Variants in NQO2 observed in about 807,000 individuals in gnomAD.
NQO2 encodes ribosyldihydronicotinamide dehydrogenase [quinone].
In NQO2, 18 loss-of-function variants were observed where a neutral mutation model predicts 22.0. That is an observed-to-expected ratio of 0.82 (90% CI 0.56 to 1.21). The LOEUF (loss-of-function observed/expected upper bound fraction) is 1.21, where lower values mean the gene tolerates loss of function less well. NQO2 is among the 50% of genes most tolerant of loss of function. The probability of loss-of-function intolerance (pLI) is 0.00; values close to 1 mark genes in which losing one functional copy is unlikely to be tolerated. For missense variants in NQO2, 267 were observed against 286.9 expected (o/e 0.93, Z 0.50); for synonymous variants, 106 against 110.8 (o/e 0.96, Z 0.28).
At chr6:3,018,111 G>A (rs936458877) in intron 6 of NQO2, among the ~76,000 whole-genome samples, 1 of 152,162 alleles carries the variant, frequency 6.6e-6, no homozygotes, top group African/African-American at 2.4e-5. Flanking sequence ...CTTTTGATTG[G>A]TGAAAGCTAT....
At chr6:3,009,896 A>C in intron 2 of NQO2, 129 bp from the exon 3 acceptor site, 1 of 1,425,868 alleles carries the variant, frequency 7.0e-7, no homozygotes, top group Non-Finnish European at 9.2e-7. Flanking sequence ...CAGAAAGAAA[A>C]GAAAATTTGA....
intron 3 of NQO2, 115 bp downstream of exon 3, chr6:3,010,304 C>A: frequency 1.1e-6 from 1 of 870,772 alleles, no homozygotes; most frequent in Non-Finnish European, 1.7e-6. Flanking sequence ...GCTTCACTTT[C>A]CAAAAACAAA....
chr6:3,008,923 A>G (rs1295091755), intron 2 of NQO2, among the ~76,000 whole-genome samples: 2 of 152,198 alleles, frequency 1.3e-5, no homozygotes, highest in Admixed American at 6.5e-5. Flanking sequence ...AATATCACAA[A>G]GCAAATGGAG....
At chr6:3,004,718 G>A in intron 1 of NQO2, 1 of 883,206 alleles carries the variant, frequency 1.1e-6, no homozygotes, top group Non-Finnish European at 1.4e-6. Context: ...ACACTGATAG[G>A]TTCACGTTGT....
At chr6:3,004,937 GGT>G (rs1491315834) in intron 1 of NQO2, among the ~76,000 whole-genome samples, 8 of 152,058 alleles carry the variant, frequency 5.3e-5, no homozygotes, top group Non-Finnish European at 1.5e-5. Flanking sequence ...TGGGATTACA[GGT>G]GCACACCACC....
At chr6:3,005,705 G>A (rs989563055) in intron 1 of NQO2, 22 of 985,362 alleles carry the variant, frequency 2.2e-5, no homozygotes, top group East Asian at 1.1e-4. Context: ...TGGCCAGGAG[G>A]GGGTGAGGCC....
At chr6:3,000,912 A>G (rs1241051126) in intron 1 of NQO2, among the ~76,000 whole-genome samples, 6 of 150,764 alleles carry the variant, frequency 4.0e-5, no homozygotes, top group Admixed American at 2.6e-4. Flanking sequence ...GGGCAATCTC[A>G]GCTCACTGCA....
chr6:3,007,422 C>T (rs1357384067), intron 2 of NQO2, among the ~76,000 whole-genome samples: 1 of 152,208 alleles, frequency 6.6e-6, no homozygotes, highest in East Asian at 1.9e-4. Context: ...AAAATGTTAA[C>T]CATGAATCTA....
chr6:3,019,428 A>G, intron 6 of NQO2, 51 bp from the exon 7 acceptor site: 1 of 1,561,880 alleles, frequency 6.4e-7, no homozygotes, highest in South Asian at 1.2e-5. Flanking sequence ...ACTGAATGGT[A>G]TGTAACAGGT....
chr6:3,007,054 C>T (rs1204993872), intron 2 of NQO2: 14 of 392,998 alleles, frequency 3.6e-5, no homozygotes, highest in Admixed American at 1.3e-4. Flanking sequence ...GAGAGCCTTT[C>T]GTGTTAGAAC....
In NQO2 at chr6:3,014,496, G is replaced by A. The variant is rs557043515; in HGVS notation, c.304-1034G>A. On this transcript the variant is annotated intron_variant, in intron 4 of 6. Transcript: ENST00000380455. ...TGTCCCCCTTGGGTCGGCCGGCCAC[G>A]TGGAGCCCGCTTTCCTCCTCGCACC... Among the ~76,000 whole-genome samples the A allele has an allele frequency of 2.6e-5, 4 of 152,232 alleles. 1 individual carries two copies. Among genetic ancestry groups the A allele is most frequent in the African/African-American group, 7.2e-5 (3 of 41,538 alleles).
intron 1 of NQO2, among the ~76,000 whole-genome samples, chr6:3,000,528 A>G (rs1490831239): frequency 2.2e-4 from 14 of 64,056 alleles, no homozygotes; most frequent in East Asian, 4.9e-4. Context: ...TCTCTCTGGG[A>G]AAAAAAAAAA....
intron 1 of NQO2, among the ~76,000 whole-genome samples, chr6:3,005,393 C>T (rs182061740): frequency 2.6e-5 from 4 of 152,330 alleles, no homozygotes; most frequent in Admixed American, 2.0e-4. Flanking sequence ...TTCTCCGCAT[C>T]CTCACCTACG....
intron 2 of NQO2, among the ~76,000 whole-genome samples, chr6:3,009,045 A>G (rs1757054173): frequency 6.6e-6 from 1 of 152,222 alleles, no homozygotes; most frequent in African/African-American, 2.4e-5. Context: ...TTGAGAGCAG[A>G]CAACCGATCT....
At chr6:3,012,021 C>T (rs1757151279) in intron 3 of NQO2, among the ~76,000 whole-genome samples, 1 of 152,220 alleles carries the variant, frequency 6.6e-6, no homozygotes, top group Non-Finnish European at 1.5e-5. Flanking sequence ...ACAGAACACT[C>T]TAATACTGTA....
intron 2 of NQO2, among the ~76,000 whole-genome samples, chr6:3,007,627 C>G (rs909573387): frequency 2.6e-5 from 4 of 152,198 alleles, no homozygotes; most frequent in Non-Finnish European, 4.4e-5. Flanking sequence ...AGTATATAAG[C>G]CTGGAGACTC....
chr6:3,016,258 C>T (rs1178535152), intron 5 of NQO2, among the ~76,000 whole-genome samples: 2 of 151,752 alleles, frequency 1.3e-5, no homozygotes, highest in Non-Finnish European at 2.9e-5. Flanking sequence ...TGGTGAAACC[C>T]CATCTCTACT....
At chr6:3,001,447 C>A (rs564253112) in intron 1 of NQO2, among the ~76,000 whole-genome samples, 1 of 152,152 alleles carries the variant, frequency 6.6e-6, no homozygotes, top group Admixed American at 6.5e-5. Context: ...CTTTAATCTC[C>A]GAAGATCACA....
rs1407010375 is a variant in NQO2, at chr6:3,019,719, G to C, written c.*64G>C. The C allele has an allele frequency of 1.5e-6, 2 of 1,369,298 alleles. No homozygotes were observed. The highest frequency in any genetic ancestry group is 1.5e-5 in the African/African-American group (1 of 68,776). 84.8% of individuals were successfully genotyped at this position (1,369,298 alleles called of 1,614,324 possible). ...GAGGCCCAGGCGCAGGCAAAGAGAA[G>C]ATGGTGCTGTCATGAAATAAAATTA... is the stretch of plus-strand genomic sequence containing the variant. On this transcript the variant is annotated 3_prime_UTR_variant, in exon 7 of 7. Transcript: ENST00000380455.
Sources: allele counts gnomAD v4.1 joint callset (sites outside exome capture counted in the v4.1 genomes callset), GRCh38; gene constraint gnomAD v4.1.1; transcripts MANE v1.5; gene names NCBI Gene and HGNC (gene_info 2026-07-23, HGNC 2026-07-21).